The following COPG1 variants were observed in gnomAD, a reference collection of about 807,000 sequenced individuals.
COPG1 encodes coat protein complex I subunit gamma 1.
COPG1 carries 29 observed loss-of-function variants against 102.8 expected under a neutral mutation model. That is an observed-to-expected ratio of 0.28 (90% CI 0.21 to 0.38). The LOEUF (loss-of-function observed/expected upper bound fraction) is 0.38. Ranked by LOEUF, COPG1 falls within the 10% of genes least tolerant of loss-of-function variation. The probability of loss-of-function intolerance (pLI) is 1.00; values close to 1 mark genes in which losing one functional copy is unlikely to be tolerated. For synonymous variants in COPG1, 406 were observed against 421.6 expected, an observed-to-expected ratio of 0.96 and a Z score of 0.45; for missense variants, 875 against 1,132.7, an observed-to-expected ratio of 0.77 and a Z score of 3.27.
In COPG1 at chr3:129,271,433, G is replaced by T. The variant is rs570222403; in HGVS notation, c.1844-334G>T. On this transcript the variant is annotated intron_variant, in intron 18 of 23. Coordinates refer to ENST00000314797, the MANE Select transcript of COPG1 (RefSeq NM_016128.4). This position sits in a 1 kb window ranked among gnomAD's most constrained non-coding sequence, Gnocchi z 4.7. ...TTTTAAGAATCCTTGCTGCGGTAGGGGGCGGAAATCCTTGCTAAGCTTCTA... is the reference window on the plus strand; with the variant it reads ...TTTTAAGAATCCTTGCTGCGGTAGGTGGCGGAAATCCTTGCTAAGCTTCTA... Among the ~76,000 whole-genome samples, 4 of 152,122 alleles carry T rather than the reference G, an allele frequency of 2.6e-5. No individual in the cohort carries two copies. Among genetic ancestry groups the T allele is most frequent in the Non-Finnish European group, 5.9e-5 (4 of 68,030 alleles).
chr3:129,255,165 GTGTTTCTTT>G, intron 7 of COPG1, 88 bp downstream of exon 7: 1 of 833,744 alleles, frequency 1.2e-6, no homozygotes, highest in Non-Finnish European at 1.9e-6. Flanking sequence ...AAAAAAGAAA[GTGTTTCTTT>G]CTTTCTTTTT....
chr3:129,260,746 G>A lies in COPG1; in HGVS notation c.1067G>A (p.Ser356Asn), dbSNP rs1939909962. ...CTCCTTAAGACGGGCAGCGAGAGCAGCATCGACCGCCTCATGAAGCAGATC... is the reference window on the plus strand; with the variant it reads ...CTCCTTAAGACGGGCAGCGAGAGCAACATCGACCGCCTCATGAAGCAGATC... ...TTLLKTGSES[S>N]IDRLMKQISS... Residue 356 changes from serine to asparagine, a missense_variant, in exon 12 of 24, where the codon AGC becomes AAC. Coordinates refer to ENST00000314797, the MANE Select transcript of COPG1 (RefSeq NM_016128.4). 2 of 1,613,096 alleles carry A rather than the reference G, an allele frequency of 1.2e-6. No homozygotes were observed. Among genetic ancestry groups the A allele is most frequent in the South Asian group, 2.2e-5 (2 of 91,024 alleles).
In COPG1 at chr3:129,257,565, T is replaced by G; in HGVS notation, c.675T>G (p.Ser225=). 1 of 1,614,162 alleles carries G rather than the reference T, an allele frequency of 6.2e-7. No homozygotes were observed. The highest frequency in any genetic ancestry group is 8.5e-7 in the Non-Finnish European group (1 of 1,180,034). ...ISKVTRHGLK[S]PFAYCMMIRV... is the part of the protein sequence containing the mutation. ...AGGTCACACGGCATGGCCTTAAGTC[T>G]CCCTTTGCCTACTGCATGATGATCC... The change falls in exon 9 of 24, where the codon TCT becomes TCG. Residue 225 remains serine (S), a synonymous_variant. Transcript: ENST00000314797.
chr3:129,254,748 GT>G lies in COPG1; in HGVS notation c.399+6del, dbSNP rs1340059769. On this transcript the variant is annotated splice_donor_region_variant and intron_variant, in intron 6 of 23. Coordinates refer to ENST00000314797, the MANE Select transcript of COPG1 (RefSeq NM_016128.4). ...GCCCTCTGCCAGATCACTGATGTGA[GT>G]CGTGCCGGTTCCTCCCTGCTTCCTG... 6.2e-7 allele frequency: 1 copy of G among 1,612,750 alleles called. No homozygotes were observed. The highest frequency in any genetic ancestry group is 1.3e-5 in the African/African-American group (1 of 75,000).
At chr3:129,259,928 A>T (rs1019963551) in intron 10 of COPG1, among the ~76,000 whole-genome samples, 1 of 152,236 alleles carries the variant, frequency 6.6e-6, no homozygotes, top group East Asian at 1.9e-4. Flanking sequence ...CTGCAGGTGC[A>T]GGCAGTCTTG....
In COPG1 at chr3:129,272,212, A is replaced by G. The variant is rs753843161; in HGVS notation, c.1987-32A>G. The G allele has an allele frequency of 4.4e-6, 7 of 1,599,716 alleles. No homozygotes were observed. The South Asian group carries it at 6.6e-5, about 15-fold the overall frequency. On this transcript the variant is annotated intron_variant, in intron 19 of 23. Coordinates refer to ENST00000314797, the MANE Select transcript of COPG1 (RefSeq NM_016128.4). Reference sequence around the variant, plus strand: ...CTGCAGCATGGCTCGGACCTAGTGCAATGTTTAAGCTCCCCTCTCTTTCCT... The same window carrying G: ...CTGCAGCATGGCTCGGACCTAGTGCGATGTTTAAGCTCCCCTCTCTTTCCT...
rs184534013 is a variant in COPG1 at position 129,266,833 on chromosome 3, T to C, written c.1469-191T>C. Among the ~76,000 whole-genome samples, 17 of 152,260 alleles carry C rather than the reference T, an allele frequency of 1.1e-4. No individual in the cohort carries two copies. In the East Asian group the frequency reaches 3.1e-3, roughly 28 times the overall value. ...CTTCTCCATTAAATAGATAAGGAAGTTGAGGCCTGGGATGGTGCCAAGATC... is the reference window on the plus strand; with the variant it reads ...CTTCTCCATTAAATAGATAAGGAAGCTGAGGCCTGGGATGGTGCCAAGATC... On this transcript the variant is annotated intron_variant, in intron 14 of 23. Transcript: ENST00000314797.
chr3:129,268,408 A>G, intron 16 of COPG1, 87 bp from the exon 17 acceptor site: 1 of 1,439,086 alleles, frequency 6.9e-7, no homozygotes, highest in African/African-American at 1.4e-5. Context: ...TAGGACTTGT[A>G]ACTTCGGGAC....
intron 19 of COPG1, 65 bp from the exon 20 acceptor site, chr3:129,272,179 C>A: frequency 9.6e-6 from 14 of 1,465,478 alleles, no homozygotes; most frequent in South Asian, 1.2e-5. Context: ...GACCTCCTGG[C>A]TTTTCCTCTG....
rs1940250494 is a variant in COPG1, at chr3:129,275,551, A to C, written c.2494+259A>C. Among the ~76,000 whole-genome samples, 1 of 152,232 alleles carries C rather than the reference A, an allele frequency of 6.6e-6. No individual in the cohort carries two copies. Among genetic ancestry groups the C allele is most frequent in the Non-Finnish European group, 1.5e-5 (1 of 68,038 alleles). ...CCTTGCGGTTATTTTATGGCTATAAAAGCTAATAGGAACGCATTTCCTTTT... is the reference window on the plus strand; with the variant it reads ...CCTTGCGGTTATTTTATGGCTATAACAGCTAATAGGAACGCATTTCCTTTT... On this transcript the variant is annotated intron_variant, in intron 23 of 23. Transcript: ENST00000314797. The surrounding 1 kb of genome is among the most constrained non-coding windows in gnomAD (Gnocchi z 5.0).
rs149844735 is a variant in COPG1 at position 129,263,957 on chromosome 3, C to G, written c.1182C>G (p.His394Gln). Residue 394 changes from histidine to glutamine, a missense_variant, in exon 13 of 24, where the codon CAC (histidine) becomes CAG (glutamine). By Grantham distance (24) the His-to-Gln change is conservative (BLOSUM62 0). Coordinates refer to ENST00000314797, the MANE Select transcript of COPG1 (RefSeq NM_016128.4). ...TGTGTCAGAAATATCCTCGCAAACA[C>G]GCCGTCCTTATGAACTTCCTGTTCA... ...SALCQKYPRKHAVLMNFLFTM... is the reference protein window; with the variant it reads ...SALCQKYPRKQAVLMNFLFTM... 1 of 1,614,190 alleles carries G rather than the reference C, an allele frequency of 6.2e-7. No homozygotes were observed. Among genetic ancestry groups the G allele is most frequent in the East Asian group, 2.2e-5 (1 of 44,884 alleles).
chr3:129,266,981 G>C lies in COPG1; in HGVS notation c.1469-43G>C, dbSNP rs1043170155. ...GCTGGAAGTGCCCAAACAGTGAGTT[G>C]TCAGGGTGCATTGGGTAAATCACAT... On this transcript the variant is annotated intron_variant, in intron 14 of 23. Transcript: ENST00000314797. The C allele has an allele frequency of 2.6e-6, 4 of 1,567,840 alleles. No individual in the cohort carries two copies. In the East Asian group the frequency reaches 9.0e-5, roughly 35 times the overall value.
Position 129,249,661 on chromosome 3 carries a change from C to A in COPG1, c.-49C>A. 1.3e-6 allele frequency: 2 copies of A among 1,548,296 alleles called. No individual in the cohort carries two copies. Among genetic ancestry groups the A allele is most frequent in the Middle Eastern group, 2.0e-4 (1 of 5,086 alleles). On this transcript the variant is annotated 5_prime_UTR_variant, in exon 1 of 24. Coordinates refer to ENST00000314797, the MANE Select transcript of COPG1 (RefSeq NM_016128.4). ...CCACTGTGGCACCGCTACTCCGTGCCGCGCCCGTCGAGCATTGCGTTGCTG... is the reference window on the plus strand; with the variant it reads ...CCACTGTGGCACCGCTACTCCGTGCAGCGCCCGTCGAGCATTGCGTTGCTG...
At chr3:129,267,294 G>T in intron 15 of COPG1, 195 bp downstream of exon 15, 1 of 456,566 alleles carries the variant, frequency 2.2e-6, no homozygotes, top group Non-Finnish European at 3.9e-6. Flanking sequence ...TGTGACAATT[G>T]GTAACTTGAA....
chr3:129,253,146 G>A lies in COPG1; in HGVS notation c.323+191G>A, dbSNP rs994125822. ...GTTTCTATTTTAATTCTCTGACCTT[G>A]ACTTGGACACAAATGCTTCCTTTTC... On this transcript the variant is annotated intron_variant, in intron 5 of 23. Coordinates refer to ENST00000314797, the MANE Select transcript of COPG1 (RefSeq NM_016128.4). 7 of 541,362 alleles carry A rather than the reference G, an allele frequency of 1.3e-5. No homozygotes were observed. The East Asian group carries it at 1.6e-4, about 12-fold the overall frequency. The allele number at this position is 541,362 out of a possible 1,614,324, so 33.5% of individuals were successfully genotyped here. A position where few individuals can be genotyped will look rare whatever the true frequency, so the allele number is the denominator to read the frequency against.
Position 129,271,485 on chromosome 3 carries a change from T to C in COPG1, c.1844-282T>C, listed in dbSNP as rs1324496128. 1.3e-5 allele frequency among the ~76,000 whole-genome samples: 2 copies of C among 152,210 alleles called. No homozygotes were observed. Among genetic ancestry groups the C allele is most frequent in the African/African-American group, 4.8e-5 (2 of 41,452 alleles). On this transcript the variant is annotated intron_variant, in intron 18 of 23. Coordinates refer to ENST00000314797, the MANE Select transcript of COPG1 (RefSeq NM_016128.4). The surrounding 1 kb of genome is among the most constrained non-coding windows in gnomAD (Gnocchi z 4.7). Reference sequence around the variant, plus strand: ...AGCTGGGGGATTCTCCAATTAGGTCTAGGATTTTGTGGTCTCATATCAGTT... The same window carrying C: ...AGCTGGGGGATTCTCCAATTAGGTCCAGGATTTTGTGGTCTCATATCAGTT...
intron 8 of COPG1, 29 bp downstream of exon 8, chr3:129,256,183 A>C: frequency 6.3e-7 from 1 of 1,597,820 alleles, no homozygotes; most frequent in Non-Finnish European, 8.6e-7. Context: ...AGTGATATTT[A>C]AAACACTCAG....
At chr3:129,272,642 A>G (rs1269687930) in intron 20 of COPG1, among the ~76,000 whole-genome samples, 165 bp from the exon 21 acceptor site, 1 of 151,990 alleles carries the variant, frequency 6.6e-6, no homozygotes, top group Non-Finnish European at 1.5e-5. Flanking sequence ...ACAAGGTGGC[A>G]CCCTCTGTCC....
chr3:129,274,891 G>T lies in COPG1; in HGVS notation c.2310G>T (p.Leu770=), dbSNP rs1425025617. ...ATCACATTCAAAAGGTCATGAAACT[G>T]AACTTCGAAGCAGCCTGGGATGAGG... The part of the protein sequence containing the change: ...VADHIQKVMK[L]NFEAAWDEVG... The change falls in exon 22 of 24, where the codon CTG becomes CTT. Residue 770 remains leucine (L), a synonymous_variant. Coordinates refer to ENST00000314797, the MANE Select transcript of COPG1 (RefSeq NM_016128.4). 6.2e-7 allele frequency: 1 copy of T among 1,614,200 alleles called. No homozygotes were observed. Among genetic ancestry groups the T allele is most frequent in the Non-Finnish European group, 8.5e-7 (1 of 1,180,020 alleles).
Sources: gnomAD v4.1 joint callset for allele counts (sites outside exome capture counted in the v4.1 genomes callset) on GRCh38, gnomAD v4.1.1 for gene constraint, Gnocchi (gnomAD v3.1) non-coding constraint, MANE v1.5 for transcripts, NCBI Gene and HGNC (gene_info 2026-07-23, HGNC 2026-07-21) for gene names.